The following SLC24A3 variants were observed in gnomAD, a reference collection of about 807,000 sequenced individuals.
SLC24A3 encodes the protein solute carrier family 24 member 3.
Under a neutral mutation model 75.8 loss-of-function variants are expected in SLC24A3, and 28 were observed. The observed-to-expected ratio is 0.37, with a 90% CI of 0.27 to 0.51. SLC24A3 has a LOEUF of 0.51. SLC24A3 is among the 20% of genes least tolerant of loss of function. The pLI is 0.94. For synonymous variants in SLC24A3, 372 were observed against 334.1 expected (o/e 1.11, Z -1.24); for missense variants, 663 against 847.8 (o/e 0.78, Z 2.71).
intron 2 of SLC24A3, among the ~76,000 whole-genome samples, chr20:19,368,367 C>T (rs568612867): frequency 3.2e-4 from 49 of 152,316 alleles, no homozygotes; most frequent in South Asian, 1.2e-3. Flanking sequence ...CTGGGACCCT[C>T]GTGCCCCTAC....
chr20:19,696,015 C>CTTTTCTTTTTTTTTTTTT (rs1555807706), intron 13 of SLC24A3, among the ~76,000 whole-genome samples: 1 of 108,074 alleles, frequency 9.3e-6, no homozygotes, highest in African/African-American at 3.6e-5. Context: ...TTTTCCTTTT[C>CTTTTCTTTTTTTTTTTTT]TTTTTTTTTT....
At chr20:19,588,100 A>C (rs1023287573) in intron 6 of SLC24A3, among the ~76,000 whole-genome samples, 3 of 152,210 alleles carry the variant, frequency 2.0e-5, no homozygotes, top group African/African-American at 7.2e-5. Flanking sequence ...GTAGAAAAAC[A>C]GTCTCAAAGG....
chr20:19,667,211 C>G (rs1312375571), intron 8 of SLC24A3, among the ~76,000 whole-genome samples: 1 of 152,190 alleles, frequency 6.6e-6, no homozygotes, highest in African/African-American at 2.4e-5. Context: ...TATTAAGATA[C>G]TTTTGCTAAC....
intron 6 of SLC24A3, among the ~76,000 whole-genome samples, chr20:19,630,262 GC>G (rs1293668464): frequency 2.0e-5 from 3 of 152,170 alleles, no homozygotes; most frequent in African/African-American, 7.2e-5. Context: ...GATTAAGACA[GC>G]TAGTAACTTT....
At chr20:19,521,794 G>A (rs2030103928) in intron 3 of SLC24A3, among the ~76,000 whole-genome samples, 1 of 152,204 alleles carries the variant, frequency 6.6e-6, no homozygotes, top group South Asian at 2.1e-4. Flanking sequence ...AACTAATGAT[G>A]CAGTAGCCAG....
At chr20:19,609,993 T>G (rs1190224503) in intron 6 of SLC24A3, among the ~76,000 whole-genome samples, 2 of 152,222 alleles carry the variant, frequency 1.3e-5, no homozygotes, top group African/African-American at 2.4e-5. Context: ...CAATACATCT[T>G]GAATCGCAGA....
chr20:19,616,295 CAG>C (rs2031735210), intron 6 of SLC24A3, among the ~76,000 whole-genome samples: 2 of 152,242 alleles, frequency 1.3e-5, no homozygotes, highest in Admixed American at 6.5e-5. Flanking sequence ...GTGGAGCCAA[CAG>C]CTTGAAGCCA....
intron 1 of SLC24A3, among the ~76,000 whole-genome samples, chr20:19,249,022 A>C (rs898358624): frequency 1.3e-5 from 2 of 151,722 alleles, no homozygotes; most frequent in Non-Finnish European, 2.9e-5. Context: ...CAAGGATATG[A>C]AGCTTCAGTT....
chr20:19,629,724 C>T (rs1036403745), intron 6 of SLC24A3, among the ~76,000 whole-genome samples: 1 of 152,110 alleles, frequency 6.6e-6, no homozygotes, highest in Non-Finnish European at 1.5e-5. Context: ...AGAAGCCTTG[C>T]GGGCCAGAAT....
intron 2 of SLC24A3, among the ~76,000 whole-genome samples, chr20:19,407,844 AGGT>A (rs1986675742): frequency 6.6e-6 from 1 of 152,224 alleles, no homozygotes; most frequent in Non-Finnish European, 1.5e-5. Flanking sequence ...ATTTGGCAGA[AGGT>A]GTCACTGAAA....
At chr20:19,596,151 G>A (rs2031450426) in intron 6 of SLC24A3, among the ~76,000 whole-genome samples, 4 of 152,102 alleles carry the variant, frequency 2.6e-5, no homozygotes, top group Admixed American at 2.6e-4. Context: ...TATATTCTGG[G>A]AATATCACCC....
chr20:19,607,169 T>C (rs1392443310), intron 6 of SLC24A3, among the ~76,000 whole-genome samples: 1 of 152,172 alleles, frequency 6.6e-6, no homozygotes, highest in East Asian at 1.9e-4. Flanking sequence ...AGACTCCCCA[T>C]AGTTCTTTTT....
At chr20:19,433,699 C>T (rs1987144570) in intron 2 of SLC24A3, among the ~76,000 whole-genome samples, 1 of 152,094 alleles carries the variant, frequency 6.6e-6, no homozygotes, top group African/African-American at 2.4e-5. Flanking sequence ...AGACAACTGC[C>T]ACTGAAAAAA....
At chr20:19,486,738 A>T (rs1372574795) in intron 2 of SLC24A3, among the ~76,000 whole-genome samples, 2 of 152,234 alleles carry the variant, frequency 1.3e-5, no homozygotes, top group Non-Finnish European at 2.9e-5. Context: ...GACTATAAGT[A>T]TCTAAGAAAA....
At chr20:19,388,799 G>A (rs1337653809) in intron 2 of SLC24A3, among the ~76,000 whole-genome samples, 1 of 152,092 alleles carries the variant, frequency 6.6e-6, no homozygotes, top group Non-Finnish European at 1.5e-5. Flanking sequence ...TTTGTAGTTA[G>A]CATATGGTCA....
intron 2 of SLC24A3, among the ~76,000 whole-genome samples, chr20:19,386,919 G>C (rs575490350): frequency 1.7e-3 from 257 of 152,160 alleles, no homozygotes; most frequent in Non-Finnish European, 3.0e-3. Context: ...AGGAGGATTG[G>C]TATTCATTCT....
At chr20:19,517,900 G>C (rs1448854460) in intron 3 of SLC24A3, among the ~76,000 whole-genome samples, 1 of 152,182 alleles carries the variant, frequency 6.6e-6, no homozygotes, top group African/African-American at 2.4e-5. Flanking sequence ...GGGTGGACCT[G>C]CTGGTGCCAT....
intron 7 of SLC24A3, among the ~76,000 whole-genome samples, chr20:19,656,265 A>G (rs1480040054): frequency 3.9e-5 from 6 of 152,080 alleles, no homozygotes; most frequent in African/African-American, 9.7e-5. Context: ...TGTGCTTTCA[A>G]TTTTGTCCTC....
intron 1 of SLC24A3, among the ~76,000 whole-genome samples, chr20:19,234,906 TTC>T (rs1178175387): frequency 6.6e-6 from 1 of 152,230 alleles, no homozygotes; most frequent in African/African-American, 2.4e-5. Context: ...GTGTCATGAA[TTC>T]TCTCTTTTCC....
Sources: allele counts gnomAD v4.1 joint callset (sites outside exome capture counted in the v4.1 genomes callset), GRCh38; gene constraint gnomAD v4.1.1; transcripts MANE v1.5; gene names NCBI Gene and HGNC (gene_info 2026-07-23, HGNC 2026-07-21).